LRRC63: variants seen among roughly 807,000 people sequenced by gnomAD.
The protein encoded by LRRC63 is leucine-rich repeat-containing protein 63.
LRRC63 carries 40 observed loss-of-function variants against 49.5 expected under a neutral mutation model. That is an observed-to-expected ratio of 0.81 (90% confidence interval 0.63 to 1.05). LRRC63 has a LOEUF of 1.05. LRRC63 is among the 50% of genes least tolerant of loss of function. The pLI is 0.00. For synonymous variants in LRRC63, 191 were observed against 221.1 expected (o/e 0.86, Z 1.21); for missense variants, 636 against 663.1 (o/e 0.96, Z 0.45).
intron 7 of LRRC63, among the ~76,000 whole-genome samples, chr13:46,261,268 C>T (rs2138571811): frequency 6.6e-6 from 1 of 152,308 alleles, no homozygotes; most frequent in African/African-American, 2.4e-5. Flanking sequence ...TATAGAACCT[C>T]AGAATGTGAC....
intron 6 of LRRC63, among the ~76,000 whole-genome samples, chr13:46,248,325 G>C (rs1030035650): frequency 1.1e-4 from 16 of 151,926 alleles, no homozygotes; most frequent in Admixed American, 9.8e-4. Flanking sequence ...AAAAGATACA[G>C]ATAGTCAAAC....
chr13:46,218,826 G>C (rs1466531426), intron 2 of LRRC63, among the ~76,000 whole-genome samples: 1 of 152,154 alleles, frequency 6.6e-6, no homozygotes, highest in Non-Finnish European at 1.5e-5. Context: ...GTATTTGCTT[G>C]TCTGTAATGG....
At chr13:46,261,880 C>A in intron 7 of LRRC63, 29 bp from the exon 8 acceptor site, 2 of 753,586 alleles carry the variant, frequency 2.7e-6, no homozygotes, top group Non-Finnish European at 1.9e-6. Context: ...ATAATCATTT[C>A]TACAATTAAT....
rs1056772749 is a variant in LRRC63 at position 46,276,439 on chromosome 13, C to T, written c.1551-151C>T. On this transcript the variant is annotated intron_variant, in intron 9 of 9. Transcript: ENST00000595396. ...CTACTTTATTGTTCAGCTTTTTTAG[C>T]GTTTAGTCTTTCACTTAATGGGTAG... Among the ~76,000 whole-genome samples the T allele has an allele frequency of 3.3e-5, 5 of 151,854 alleles. 1 individual carries two copies. Among genetic ancestry groups the T allele is most frequent in the Admixed American group, 3.3e-4 (5 of 15,228 alleles).
intron 5 of LRRC63, among the ~76,000 whole-genome samples, chr13:46,243,829 A>T (rs891668677): frequency 2.6e-5 from 4 of 152,228 alleles, no homozygotes; most frequent in African/African-American, 7.2e-5. Context: ...TTTCTGCCTT[A>T]AGACTGTGTT....
chr13:46,254,790 G>A (rs1302336344), intron 7 of LRRC63, among the ~76,000 whole-genome samples: 2 of 152,158 alleles, frequency 1.3e-5, no homozygotes, highest in African/African-American at 2.4e-5. Flanking sequence ...AGGATTCATG[G>A]TGACACGAAT....
intron 2 of LRRC63, among the ~76,000 whole-genome samples, chr13:46,222,723 A>C (rs1408857206): frequency 6.6e-6 from 1 of 151,776 alleles, no homozygotes; most frequent in African/African-American, 2.4e-5. Flanking sequence ...ATATACCCAA[A>C]GGACTATAAA....
chr13:46,261,943 G>A, exon 8 of LRRC63: 2 of 1,166,692 alleles, frequency 1.7e-6, no homozygotes, highest in South Asian at 3.6e-5. Context: ...AGAACTTGAT[G>A]TTTCCTATAA....
At chr13:46,245,580 T>G (rs2047191078) in intron 5 of LRRC63, among the ~76,000 whole-genome samples, 1 of 152,030 alleles carries the variant, frequency 6.6e-6, no homozygotes, top group Non-Finnish European at 1.5e-5. Context: ...AAATATTAAT[T>G]TAAATATTAA....
At position 46,223,187 on chromosome 13, in the gene LRRC63, T is replaced by A. The variant is rs375954051; in HGVS notation, c.86-4325T>A. On this transcript the variant is annotated intron_variant, in intron 2 of 9. Transcript: ENST00000595396. ...GTAACTAACCTGCACATTGTGCACA[T>A]GTACCCTAAAACTTAAAGTATAATA... is the stretch of plus-strand genomic sequence containing the variant. 1.9e-4 allele frequency among the ~76,000 whole-genome samples: 29 copies of A among 151,604 alleles called. No individual in the cohort carries two copies. The East Asian group carries it at 3.3e-3, about 17-fold the overall frequency.
chr13:46,244,104 C>T (rs911094942), intron 5 of LRRC63, among the ~76,000 whole-genome samples: 1 of 152,078 alleles, frequency 6.6e-6, no homozygotes, highest in African/African-American at 2.4e-5. Context: ...CCTTTTGAAA[C>T]AATCTTGAAA....
intron 4 of LRRC63, among the ~76,000 whole-genome samples, chr13:46,229,268 G>T (rs1396735206): frequency 6.6e-6 from 1 of 152,094 alleles, no homozygotes; most frequent in African/African-American, 2.4e-5. Context: ...TGACTTCTGG[G>T]TTTTTTCCAT....
At chr13:46,220,199 C>T (rs1276331235) in intron 2 of LRRC63, among the ~76,000 whole-genome samples, 1 of 152,240 alleles carries the variant, frequency 6.6e-6, no homozygotes, top group African/African-American at 2.4e-5. Context: ...GCTGAAGCTG[C>T]ACCCATGGCC....
At chr13:46,245,400 T>C (rs2047186509) in intron 5 of LRRC63, among the ~76,000 whole-genome samples, 1 of 152,182 alleles carries the variant, frequency 6.6e-6, no homozygotes, top group Non-Finnish European at 1.5e-5. Context: ...AACTGCAGAA[T>C]AAACATTACT....
At chr13:46,227,818 C>T (rs1197552401) in exon 3 of LRRC63, 5 of 1,550,006 alleles carry the variant, frequency 3.2e-6, no homozygotes, top group South Asian at 2.4e-5. Context: ...ATGGAAAGTT[C>T]AAGAAAGTTT....
At chr13:46,255,805 A>G (rs145394692) in intron 7 of LRRC63, among the ~76,000 whole-genome samples, 188 of 152,192 alleles carry the variant, frequency 1.2e-3, no homozygotes, top group African/African-American at 4.3e-3. Context: ...ACGCACCCAT[A>G]TAACTACTAT....
chr13:46,263,559 C>G (rs1231592026), intron 8 of LRRC63, among the ~76,000 whole-genome samples: 2 of 152,084 alleles, frequency 1.3e-5, no homozygotes, highest in Non-Finnish European at 2.9e-5. Context: ...ATAAAAAGTA[C>G]TTCCCCCACC....
intron 8 of LRRC63, among the ~76,000 whole-genome samples, chr13:46,265,296 G>A (rs148074343): frequency 6.6e-6 from 1 of 152,310 alleles, no homozygotes; most frequent in Non-Finnish European, 1.5e-5. Flanking sequence ...GTGAGCCATG[G>A]TGAACCTTCA....
At chr13:46,239,320 A>G (rs1302474603) in intron 5 of LRRC63, among the ~76,000 whole-genome samples, 1 of 152,154 alleles carries the variant, frequency 6.6e-6, no homozygotes, top group African/African-American at 2.4e-5. Flanking sequence ...TCCTGACCCC[A>G]CAATAATAAA....
Sources: allele counts gnomAD v4.1 joint callset (sites outside exome capture counted in the v4.1 genomes callset), GRCh38; gene constraint gnomAD v4.1.1; transcripts MANE v1.5; gene names NCBI Gene and HGNC (gene_info 2026-07-23, HGNC 2026-07-21).